ZC3H12B: variants seen among roughly 807,000 people sequenced by gnomAD.
ZC3H12B encodes the protein zinc finger CCCH-type containing 12B, also known as probable ribonuclease ZC3H12B.
A neutral mutation model predicts 43.9 loss-of-function variants in ZC3H12B; 7 were observed. That is an observed-to-expected ratio of 0.16 (90% confidence interval 0.09 to 0.30). The LOEUF is 0.30. Among genes scored for constraint, ZC3H12B ranks in the 10% least tolerant of loss-of-function variants. The probability of loss-of-function intolerance (pLI) is 1.00; values close to 1 mark genes in which losing one functional copy is unlikely to be tolerated. For synonymous variants in ZC3H12B, 222 were observed against 241.7 expected (o/e 0.92, Z 0.76); for missense variants, 475 against 670.2 (o/e 0.71, Z 3.22).
chrX:65,337,288 C>T, the ZC3H12B span, among the ~76,000 whole-genome samples: 1 of 111,790 alleles, frequency 8.9e-6, no homozygotes, highest in Middle Eastern at 4.6e-3. Context: ...GAATGGAGTC[C>T]CAATCTAGAC....
At chrX:65,190,576 C>A in the ZC3H12B span, among the ~76,000 whole-genome samples, 1 of 105,765 alleles carries the variant, frequency 9.5e-6, no homozygotes, top group East Asian at 3.0e-4. Context: ...AATGGGAGTT[C>A]ACTCATGATT....
chrX:65,470,877 C>T (rs1348250236), intron 3 of ZC3H12B, among the ~76,000 whole-genome samples: 1 of 112,025 alleles, frequency 8.9e-6, no homozygotes, highest in Non-Finnish European at 1.9e-5. Context: ...TTTTTTTCTA[C>T]TGTGGTCTGA....
chrX:65,216,239 C>A, the ZC3H12B span, among the ~76,000 whole-genome samples: 22 of 111,873 alleles, frequency 2.0e-4, no homozygotes, highest in Admixed American at 1.9e-3. Context: ...GTAGGAAGGA[C>A]AGTTTTACAT....
At chrX:65,231,827 A>T in the ZC3H12B span, among the ~76,000 whole-genome samples, 1 of 111,869 alleles carries the variant, frequency 8.9e-6, no homozygotes, top group Non-Finnish European at 1.9e-5. Context: ...ATCAGATTTC[A>T]TATTGTTCGA....
At chrX:65,397,901 T>C (rs983293492) in intron 2 of ZC3H12B, among the ~76,000 whole-genome samples, 1 of 111,973 alleles carries the variant, frequency 8.9e-6, no homozygotes, top group Non-Finnish European at 1.9e-5. Flanking sequence ...TTACCAAAAA[T>C]CTATTAGAAC....
chrX:65,500,873 G>GT lies in ZC3H12B; in HGVS notation c.1090+891dup, dbSNP rs754068426. 3.2e-4 allele frequency among the ~76,000 whole-genome samples: 35 copies of GT among 111,065 alleles called. 2 individuals are homozygous for GT. The highest frequency in any genetic ancestry group is 4.7e-4 in the Non-Finnish European group (25 of 52,917). ...TGATCTGAGGCTACTTTGAATGTCT[G>GT]TTTTTTTGGATGATCATTTGTTTTG... On this transcript the variant is annotated intron_variant, in intron 4 of 4. Transcript: ENST00000338957.
At chrX:65,395,309 G>A (rs1235550211) in intron 2 of ZC3H12B, among the ~76,000 whole-genome samples, 1 of 111,723 alleles carries the variant, frequency 9.0e-6, no homozygotes, top group Non-Finnish European at 1.9e-5. Flanking sequence ...ATTCTTCCAG[G>A]TTTTGCCCAT....
chrX:65,073,598 A>G, the ZC3H12B span, among the ~76,000 whole-genome samples: 3 of 112,194 alleles, frequency 2.7e-5, no homozygotes, highest in Admixed American at 2.8e-4. Context: ...AGTTGAGCCT[A>G]GGAAGATGGC....
the ZC3H12B span, among the ~76,000 whole-genome samples, chrX:65,210,962 C>T: frequency 1.7e-5 from 1 of 57,550 alleles, no homozygotes. Flanking sequence ...GGAGATATAC[C>T]TAATGCTAGA....
At chrX:65,327,803 A>T in the ZC3H12B span, among the ~76,000 whole-genome samples, 3 of 112,106 alleles carry the variant, frequency 2.7e-5, no homozygotes, top group Non-Finnish European at 5.7e-5. Flanking sequence ...TTGAAATTTT[A>T]AAAAGGTAAG....
the ZC3H12B span, among the ~76,000 whole-genome samples, chrX:65,170,689 G>T: frequency 4.0e-4 from 45 of 111,584 alleles, no homozygotes; most frequent in African/African-American, 1.3e-3. Context: ...CGTAGGTTTG[G>T]TCTTTTCACA....
the ZC3H12B span, among the ~76,000 whole-genome samples, chrX:65,120,615 T>G: frequency 4.5e-5 from 5 of 111,092 alleles, no homozygotes; most frequent in Non-Finnish European, 9.5e-5. Flanking sequence ...TTGACTTCCT[T>G]TTTTCCTAAT....
chrX:65,228,668 TAAC>T, the ZC3H12B span, among the ~76,000 whole-genome samples: 1 of 112,094 alleles, frequency 8.9e-6, no homozygotes, highest in Non-Finnish European at 1.9e-5. Context: ...CTTAAGCTGA[TAAC>T]AACTTCAGCA....
At chrX:65,222,637 AT>A in the ZC3H12B span, among the ~76,000 whole-genome samples, 27 of 94,236 alleles carry the variant, frequency 2.9e-4, no homozygotes, top group South Asian at 3.0e-3. Flanking sequence ...AATAATAATA[AT>A]AATAATAATA....
At chrX:65,250,471 C>G in the ZC3H12B span, among the ~76,000 whole-genome samples, 1 of 111,797 alleles carries the variant, frequency 8.9e-6, no homozygotes, top group African/African-American at 3.3e-5. Flanking sequence ...ATGTCTGGGT[C>G]AAATGGCATT....
the ZC3H12B span, among the ~76,000 whole-genome samples, chrX:65,174,076 A>T: frequency 9.0e-6 from 1 of 111,486 alleles, no homozygotes; most frequent in Non-Finnish European, 1.9e-5. Flanking sequence ...TGGAGGCTAC[A>T]GAATAGCAAA....
At chrX:65,473,889 A>C (rs1461587910) in intron 3 of ZC3H12B, among the ~76,000 whole-genome samples, 1 of 112,272 alleles carries the variant, frequency 8.9e-6, no homozygotes, top group African/African-American at 3.2e-5. Context: ...GTGACCTAAC[A>C]TGTGATCTAT....
At chrX:65,225,414 A>C in the ZC3H12B span, among the ~76,000 whole-genome samples, 1 of 112,161 alleles carries the variant, frequency 8.9e-6, no homozygotes, top group Non-Finnish European at 1.9e-5. Context: ...ATAAAACCAC[A>C]AAGACGGGGA....
chrX:65,149,822 A>C, the ZC3H12B span, among the ~76,000 whole-genome samples: 5 of 105,676 alleles, frequency 4.7e-5, no homozygotes, highest in Non-Finnish European at 9.6e-5. Context: ...TAATAAATAA[A>C]AGTAAAGTAT....
Sources: allele counts gnomAD v4.1 joint callset (sites outside exome capture counted in the v4.1 genomes callset), GRCh38; gene constraint gnomAD v4.1.1; transcripts MANE v1.5; gene names NCBI Gene and HGNC (gene_info 2026-07-23, HGNC 2026-07-21).